Variants in HPS3 observed in about 807,000 individuals in gnomAD.
HPS3 encodes HPS3 biogenesis of lysosomal organelles complex 2 subunit 1, also known as BLOC-2 complex member HPS3.
A neutral mutation model predicts 110.9 loss-of-function variants in HPS3; 79 were observed. The observed-to-expected ratio is 0.71, with a 90% confidence interval of 0.59 to 0.86. HPS3 has a LOEUF of 0.86. Ranked by LOEUF, HPS3 falls within the 40% of genes least tolerant of loss-of-function variation. The pLI is 0.00. For synonymous variants in HPS3, 428 were observed against 451.0 expected (o/e 0.95, Z 0.65); for missense variants, 1,197 against 1,206.2 (o/e 0.99, Z 0.11).
chr3:149,151,510 C>T (rs192940647), intron 6 of HPS3, among the ~76,000 whole-genome samples: 164 of 139,562 alleles, frequency 1.2e-3, no homozygotes, highest in African/African-American at 4.1e-3. Flanking sequence ...TGATAACCTT[C>T]TATACTTAAT....
intron 6 of HPS3, among the ~76,000 whole-genome samples, chr3:149,151,197 A>AT (rs202041297): frequency 0.029 from 4,016 of 138,200 alleles, 76 homozygotes; most frequent in Middle Eastern, 0.047. Flanking sequence ...TATTATTATT[A>AT]TTATTATTTT....
chr3:149,158,367 GT>G (rs1723582836), intron 9 of HPS3, among the ~76,000 whole-genome samples: 1 of 152,158 alleles, frequency 6.6e-6, no homozygotes, highest in African/African-American at 2.4e-5. Flanking sequence ...TTAATTAGAA[GT>G]TTGTAAGATA....
rs10693502 is a variant in HPS3, at chr3:149,141,200, C to CTT, written c.884+24_884+25dup. 80,047 of 1,504,112 alleles carry CTT rather than the reference C, an allele frequency of 0.053. 1,290 individuals are homozygous for CTT. The highest frequency in any genetic ancestry group is 0.23 in the African/African-American group (15,890 of 69,836). 93.2% of individuals were successfully genotyped at this position (1,504,112 alleles called of 1,614,324 possible). A position where few individuals can be genotyped will look rare whatever the true frequency, so the allele number is the denominator to read the frequency against. ...CACCTGCTCTATAGGTATTATAGTG[C>CTT]TTTTTTTTTTTTTACCAGCATTTTA... On this transcript the variant is annotated intron_variant, in intron 3 of 16. Coordinates refer to ENST00000296051, the MANE Select transcript of HPS3 (RefSeq NM_032383.5).
At chr3:149,171,498 G>A (rs181644620) in intron 16 of HPS3, among the ~76,000 whole-genome samples, 1 of 152,142 alleles carries the variant, frequency 6.6e-6, no homozygotes, top group East Asian at 1.9e-4. Flanking sequence ...CTTTTCTTTA[G>A]AGGATAGTAG....
chr3:149,141,502 T>C (rs1401598095), intron 4 of HPS3, 122 bp downstream of exon 4: 3 of 755,268 alleles, frequency 4.0e-6, no homozygotes, highest in Non-Finnish European at 4.6e-6. Context: ...GGAGTCTCCT[T>C]GTGGCCCTTT....
At chr3:149,144,098 C>T (rs533628502) in intron 4 of HPS3, among the ~76,000 whole-genome samples, 5 of 151,824 alleles carry the variant, frequency 3.3e-5, no homozygotes, top group Admixed American at 6.6e-5. Context: ...AATTTGTTGC[C>T]GGGTGCGGTG....
chr3:149,129,688 G>A lies in HPS3; in HGVS notation c.-36G>A, dbSNP rs1433328917. The A allele has an allele frequency of 2.0e-6, 3 of 1,499,148 alleles. No individual in the cohort carries two copies. The highest frequency in any genetic ancestry group is 2.7e-6 in the Non-Finnish European group (3 of 1,120,474). The allele number at this position is 1,499,148 out of a possible 1,614,324, so 92.9% of individuals were successfully genotyped here. ...GCGCGGGGTCTCCGGGCGCCCTGCAGGGCGGGCAGGCTGTGCCATCCCGCC... is the reference window on the plus strand; with the variant it reads ...GCGCGGGGTCTCCGGGCGCCCTGCAAGGCGGGCAGGCTGTGCCATCCCGCC... On this transcript the variant is annotated 5_prime_UTR_variant, in exon 1 of 17. Transcript: ENST00000296051.
intron 14 of HPS3, among the ~76,000 whole-genome samples, 169 bp from the exon 15 acceptor site, chr3:149,166,865 A>G (rs1406887040): frequency 2.0e-5 from 3 of 152,226 alleles, no homozygotes; most frequent in Admixed American, 6.5e-5. Context: ...TCAAGATTAT[A>G]TTATACTTAG....
chr3:149,159,697 G>T (rs1723669895), intron 10 of HPS3, among the ~76,000 whole-genome samples: 1 of 152,116 alleles, frequency 6.6e-6, no homozygotes, highest in Non-Finnish European at 1.5e-5. Flanking sequence ...ACTTAATTGG[G>T]TATATTTTGA....
At chr3:149,148,644 A>G (rs972502325) in intron 5 of HPS3, among the ~76,000 whole-genome samples, 4 of 151,912 alleles carry the variant, frequency 2.6e-5, no homozygotes, top group East Asian at 1.9e-4. Context: ...ACCTCAGGCA[A>G]TTCGCCCACC....
chr3:149,151,605 AAAAAAAAAAAAG>A (rs1723122532), intron 6 of HPS3, among the ~76,000 whole-genome samples: 1 of 147,050 alleles, frequency 6.8e-6, no homozygotes, highest in South Asian at 2.1e-4. Context: ...AAAAAAAAAA[AAAAAAAAAAAAG>A]CCTCTTGACC....
At chr3:149,165,741 T>A (rs1349546792) in intron 14 of HPS3, among the ~76,000 whole-genome samples, 3 of 152,220 alleles carry the variant, frequency 2.0e-5, no homozygotes, top group African/African-American at 7.2e-5. Context: ...TTGGTACACA[T>A]GCTTTGCTCC....
At chr3:149,164,170 G>A (rs1724182390) in intron 14 of HPS3, among the ~76,000 whole-genome samples, 1 of 152,172 alleles carries the variant, frequency 6.6e-6, no homozygotes, top group Non-Finnish European at 1.5e-5. Context: ...TTTGTTGTAG[G>A]TGGATGAACG....
intron 7 of HPS3, 123 bp downstream of exon 7, chr3:149,153,771 T>C: frequency 1.0e-6 from 1 of 982,528 alleles, no homozygotes; most frequent in Middle Eastern, 2.1e-4. Flanking sequence ...TTTATGGTGG[T>C]CTTTTTCCAG....
At chr3:149,167,827 A>C (rs961639247) in intron 15 of HPS3, 66 bp from the exon 16 acceptor site, 13 of 959,100 alleles carry the variant, frequency 1.4e-5, no homozygotes, top group Non-Finnish European at 2.1e-5. Flanking sequence ...CAATCTTCTT[A>C]TTCTCCTTTG....
chr3:149,141,531 G>GTTTTTTTTTTTTTTTTTT (rs10718838), intron 4 of HPS3, 151 bp downstream of exon 4: 1 of 360,912 alleles, frequency 2.8e-6, no homozygotes, highest in African/African-American at 2.6e-5. Context: ...TTTTTTTTTT[G>GTTTTTTTTTTTTTTTTTT]TTTTTTTTTT....
At chr3:149,139,934 C>A in intron 1 of HPS3, 70 bp from the exon 2 acceptor site, 1 of 1,375,094 alleles carries the variant, frequency 7.3e-7, no homozygotes, top group Non-Finnish European at 1.0e-6. Flanking sequence ...ATTAATAGTA[C>A]TCATGTCAGC....
At chr3:149,131,828 A>G (rs1042939456) in intron 1 of HPS3, among the ~76,000 whole-genome samples, 3 of 152,214 alleles carry the variant, frequency 2.0e-5, no homozygotes, top group Non-Finnish European at 2.9e-5. Flanking sequence ...TGTGACTGCA[A>G]AGGAAAAGTT....
chr3:149,163,827 T>C lies in HPS3; in HGVS notation c.2482-15T>C. The C allele has an allele frequency of 7.4e-7, 1 of 1,357,854 alleles. No individual in the cohort carries two copies. The highest frequency in any genetic ancestry group is 1.1e-6 in the Non-Finnish European group (1 of 946,502). The allele number at this position is 1,357,854 out of a possible 1,614,324, so 84.1% of individuals were successfully genotyped here. Reference sequence around the variant, plus strand: ...TTGTTATATTTTGTTTATGAGAAATTCTTTTATGTTTTAGATAAATGCCTG... The same window carrying C: ...TTGTTATATTTTGTTTATGAGAAATCCTTTTATGTTTTAGATAAATGCCTG... On this transcript the variant is annotated splice_polypyrimidine_tract_variant and intron_variant, in intron 13 of 16. Coordinates refer to ENST00000296051, the MANE Select transcript of HPS3 (RefSeq NM_032383.5).
Sources: gnomAD v4.1 joint callset for allele counts (sites outside exome capture counted in the v4.1 genomes callset) on GRCh38, gnomAD v4.1.1 for gene constraint, MANE v1.5 for transcripts, NCBI Gene and HGNC (gene_info 2026-07-23, HGNC 2026-07-21) for gene names.